The following ARID4A variants were observed in gnomAD, a reference collection of about 807,000 sequenced individuals.
The protein encoded by ARID4A is AT-rich interactive domain-containing protein 4A.
A neutral mutation model predicts 148.6 loss-of-function variants in ARID4A; 39 were observed. The ratio of observed to expected loss-of-function variants is 0.26; its 90% CI spans 0.20 to 0.34. The LOEUF (loss-of-function observed/expected upper bound fraction) is 0.34. Among genes scored for constraint, ARID4A ranks in the 10% least tolerant of loss-of-function variants. The probability of loss-of-function intolerance (pLI) is 1.00; values close to 1 mark genes in which losing one functional copy is unlikely to be tolerated. For synonymous variants in ARID4A, 475 were observed against 481.2 expected (o/e 0.99, Z 0.17); for missense variants, 1,265 against 1,449.1 (o/e 0.87, Z 2.06).
rs751721442 is a variant in ARID4A, at chr14:58,373,645, GTCTTT to G, written c.*1662_*1666del. 45 of 175,886 alleles carry G rather than the reference GTCTTT, an allele frequency of 2.6e-4. No homozygotes were observed. Among genetic ancestry groups the G allele is most frequent in the Admixed American group, 2.0e-3 (32 of 15,768 alleles). 10.9% of individuals were successfully genotyped at this position (175,886 alleles called of 1,614,324 possible). A position where few individuals can be genotyped will look rare whatever the true frequency, so the allele number is the denominator to read the frequency against. On this transcript the variant is annotated 3_prime_UTR_variant, in exon 24 of 24. Transcript: ENST00000355431. The stretch of plus-strand genomic sequence containing the variant: ...GTACTCTTGTAAAATGCACTTTTCT[GTCTTT>G]TCTTTGCAAAGCAGAAGTATCTCAA...
intron 17 of ARID4A, among the ~76,000 whole-genome samples, chr14:58,358,454 T>C (rs1251914456): frequency 6.6e-6 from 1 of 152,006 alleles, no homozygotes; most frequent in Non-Finnish European, 1.5e-5. Flanking sequence ...GTGACAACAT[T>C]GAAACTAGCC....
intron 5 of ARID4A, among the ~76,000 whole-genome samples, chr14:58,316,073 A>G (rs1038153357): frequency 3.3e-5 from 5 of 152,242 alleles, no homozygotes; most frequent in African/African-American, 1.2e-4. Context: ...CATTAAAGGT[A>G]AGCGTAGGAT....
At chr14:58,370,573 A>G (rs1339584027) in intron 23 of ARID4A, among the ~76,000 whole-genome samples, 1 of 152,158 alleles carries the variant, frequency 6.6e-6, no homozygotes, top group African/African-American at 2.4e-5. Context: ...CTGGAATTAC[A>G]GGCATGAGCC....
intron 19 of ARID4A, among the ~76,000 whole-genome samples, chr14:58,362,180 G>C (rs1350198547): frequency 6.6e-6 from 1 of 152,172 alleles, no homozygotes; most frequent in Non-Finnish European, 1.5e-5. Flanking sequence ...GGTTCTAAGA[G>C]AACACAGACT....
intron 5 of ARID4A, among the ~76,000 whole-genome samples, chr14:58,317,255 T>C (rs1486120599): frequency 6.6e-6 from 1 of 151,188 alleles, no homozygotes; most frequent in South Asian, 2.1e-4. Context: ...AATTATGATT[T>C]TTTTTAAAGT....
At chr14:58,355,698 A>G (rs2034838939) in intron 17 of ARID4A, among the ~76,000 whole-genome samples, 1 of 152,204 alleles carries the variant, frequency 6.6e-6, no homozygotes, top group South Asian at 2.1e-4. Context: ...TATTGAATTC[A>G]GGGGAAAAGG....
rs1247953323 is a variant in ARID4A at position 58,366,871 on chromosome 14, C to T, written c.3524-12C>T. 1.6e-5 allele frequency: 24 copies of T among 1,483,984 alleles called. No individual in the cohort carries two copies. Among genetic ancestry groups the T allele is most frequent in the Non-Finnish European group, 2.0e-5 (23 of 1,122,726 alleles). 91.9% of individuals were successfully genotyped at this position (1,483,984 alleles called of 1,614,324 possible). ...TTTTAAAATCCAAATTAACTTCTTT[C>T]CCCCCTTTTAGATGAATTAGATAAT... On this transcript the variant is annotated splice_polypyrimidine_tract_variant and intron_variant, in intron 22 of 23. Coordinates refer to ENST00000355431, the MANE Select transcript of ARID4A (RefSeq NM_002892.4).
At chr14:58,344,933 T>C (rs2034282754) in intron 12 of ARID4A, among the ~76,000 whole-genome samples, 166 bp downstream of exon 12, 1 of 152,134 alleles carries the variant, frequency 6.6e-6, no homozygotes, top group Non-Finnish European at 1.5e-5. Flanking sequence ...AGTGCAGTGA[T>C]TTGCTCCTGG....
chr14:58,353,501 C>G (rs2034730025), intron 16 of ARID4A, 157 bp from the exon 17 acceptor site: 2 of 635,786 alleles, frequency 3.1e-6, no homozygotes, highest in Non-Finnish European at 5.3e-6. Flanking sequence ...AAGTAGGCCA[C>G]AGAAATCTTC....
At chr14:58,361,289 A>G (rs1240475806) in intron 19 of ARID4A, among the ~76,000 whole-genome samples, 1 of 151,660 alleles carries the variant, frequency 6.6e-6, no homozygotes, top group African/African-American at 2.4e-5. Flanking sequence ...TATCCTAGGG[A>G]TAGGACCCAA....
At chr14:58,352,714 T>C (rs954879071) in intron 16 of ARID4A, among the ~76,000 whole-genome samples, 2 of 152,150 alleles carry the variant, frequency 1.3e-5, no homozygotes, top group African/African-American at 4.8e-5. Context: ...ATCACCAAAA[T>C]AATGCCCTAT....
chr14:58,358,552 A>G (rs1364686546), intron 17 of ARID4A, among the ~76,000 whole-genome samples: 1 of 152,210 alleles, frequency 6.6e-6, no homozygotes, highest in African/African-American at 2.4e-5. Context: ...AACTTAAGCT[A>G]AACAGAATAA....
intron 2 of ARID4A, among the ~76,000 whole-genome samples, chr14:58,300,741 G>A (rs1366480457): frequency 6.6e-6 from 1 of 150,816 alleles, no homozygotes; most frequent in East Asian, 2.0e-4. Context: ...TCTCCAAAGT[G>A]TACACTGTTA....
In ARID4A at chr14:58,373,247, A is replaced by G. The variant is rs1438056418; in HGVS notation, c.*1258A>G. The G allele has an allele frequency of 4.6e-5, 9 of 197,610 alleles. No homozygotes were observed. Among genetic ancestry groups the G allele is most frequent in the Non-Finnish European group, 8.4e-5 (8 of 95,142 alleles). The allele number at this position is 197,610 out of a possible 1,614,324, so 12.2% of individuals were successfully genotyped here. ...GATGCAACAACTAAGTAAAGCAACT[A>G]TGTATGCTTTGTCTGTGAATTGTTC... is the stretch of plus-strand genomic sequence containing the variant. On this transcript the variant is annotated 3_prime_UTR_variant, in exon 24 of 24. Transcript: ENST00000355431.
intron 23 of ARID4A, chr14:58,370,025 T>C (rs191177450): frequency 6.6e-6 from 1 of 152,194 alleles, no homozygotes; most frequent in African/African-American, 2.4e-5. Context: ...TGTGGTAGAG[T>C]GACGTGTCAT....
chr14:58,337,246 T>TTATTTATATA (rs1555361741), intron 11 of ARID4A, among the ~76,000 whole-genome samples: 1 of 83,818 alleles, frequency 1.2e-5, no homozygotes, highest in African/African-American at 4.2e-5. Context: ...TTCTCTTTAT[T>TTATTTATATA]TATATATATA....
At chr14:58,339,125 C>G (rs1043784189) in intron 11 of ARID4A, among the ~76,000 whole-genome samples, 1 of 151,646 alleles carries the variant, frequency 6.6e-6, no homozygotes, top group Admixed American at 6.6e-5. Flanking sequence ...CATGCACCAC[C>G]ATGCCCGGCT....
chr14:58,372,621 A>C lies in ARID4A; in HGVS notation c.*632A>C, dbSNP rs8014077. On this transcript the variant is annotated 3_prime_UTR_variant, in exon 24 of 24. Transcript: ENST00000355431. ...ACTTTTTATAGGATTTTTGAGCACA[A>C]AATTATGCAAATATTTTAATGTTTA... The C allele has an allele frequency of 0.9, 177,361 of 198,036 alleles. 80,013 individuals carry two copies. The highest frequency in any genetic ancestry group is 1 in the East Asian group (12,539 of 12,560). 12.3% of individuals were successfully genotyped at this position (198,036 alleles called of 1,614,324 possible).
At chr14:58,337,431 C>T (rs1594920653) in intron 11 of ARID4A, among the ~76,000 whole-genome samples, 1 of 151,536 alleles carries the variant, frequency 6.6e-6, no homozygotes, top group Non-Finnish European at 1.5e-5. Flanking sequence ...CAACACAGAG[C>T]TTGCTTGGCT....
Sources: gnomAD v4.1 joint callset for allele counts (sites outside exome capture counted in the v4.1 genomes callset) on GRCh38, gnomAD v4.1.1 for gene constraint, MANE v1.5 for transcripts, NCBI Gene and HGNC (gene_info 2026-07-23, HGNC 2026-07-21) for gene names.